The following CEP112 variants were observed in gnomAD, a reference collection of about 807,000 sequenced individuals.
CEP112 encodes centrosomal protein 112, also known as centrosomal protein of 112 kDa.
CEP112 carries 127 observed loss-of-function variants against 153.0 expected under a neutral mutation model. The observed-to-expected ratio is 0.83, with a 90% CI of 0.72 to 0.96. The LOEUF (loss-of-function observed/expected upper bound fraction) is 0.96, where lower values mean the gene tolerates loss of function less well. Ranked by LOEUF, CEP112 falls within the 40% of genes least tolerant of loss-of-function variation. The probability of loss-of-function intolerance (pLI) is 0.00; values close to 1 mark genes in which losing one functional copy is unlikely to be tolerated. For synonymous variants in CEP112, 358 were observed against 374.4 expected (o/e 0.96, Z 0.51); for missense variants, 1,089 against 1,101.2 (o/e 0.99, Z 0.16).
intron 19 of CEP112, among the ~76,000 whole-genome samples, chr17:65,926,495 C>T (rs2060929545): frequency 6.6e-6 from 1 of 152,064 alleles, no homozygotes; most frequent in Non-Finnish European, 1.5e-5. Flanking sequence ...GGCAGATCAC[C>T]TGAAATCAGG....
intron 4 of CEP112, among the ~76,000 whole-genome samples, chr17:66,141,861 T>C (rs977411684): frequency 2.6e-5 from 4 of 152,204 alleles, no homozygotes; most frequent in African/African-American, 9.6e-5. Flanking sequence ...CAGACAGCTT[T>C]TTGAGATCCT....
intron 11 of CEP112, among the ~76,000 whole-genome samples, chr17:66,062,270 TA>T (rs2066952209): frequency 6.6e-6 from 1 of 152,072 alleles, no homozygotes; most frequent in African/African-American, 2.4e-5. Flanking sequence ...TTATTTATAA[TA>T]AAAATGGACA....
At chr17:65,688,213 A>G (rs928530161) in intron 24 of CEP112, 1 of 152,262 alleles carries the variant, frequency 6.6e-6, no homozygotes, top group African/African-American at 2.4e-5. Context: ...GGAGAAAACT[A>G]AAATTCAAAA....
chr17:65,970,216 CAT>C (rs2062627490), intron 17 of CEP112, among the ~76,000 whole-genome samples: 2 of 114,248 alleles, frequency 1.8e-5, no homozygotes, highest in South Asian at 4.6e-4. Context: ...GTCATGCATG[CAT>C]ATACCATGCA....
intron 6 of CEP112, 145 bp from the exon 7 acceptor site, chr17:66,096,777 G>A (rs1339575981): frequency 3.6e-5 from 22 of 607,186 alleles, no homozygotes; most frequent in Non-Finnish European, 5.8e-5. Context: ...GGTATTGTAT[G>A]ATATATTTTT....
chr17:66,123,079 G>T (rs2069674525), intron 6 of CEP112, among the ~76,000 whole-genome samples: 1 of 152,204 alleles, frequency 6.6e-6, no homozygotes, highest in Non-Finnish European at 1.5e-5. Flanking sequence ...TGCAGAGGGA[G>T]TAGCTTTCTT....
At chr17:65,926,713 A>AAATAATAATAATAATAATAATAATAAT (rs369745977) in intron 19 of CEP112, among the ~76,000 whole-genome samples, 11 of 150,438 alleles carry the variant, frequency 7.3e-5, no homozygotes, top group African/African-American at 2.0e-4. Context: ...ACTCCTTCTC[A>AAATAATAATAATAATAATAATAATAAT]AATAATAATA....
chr17:65,770,110 A>G (rs76012012), intron 21 of CEP112, among the ~76,000 whole-genome samples: 1 of 151,888 alleles, frequency 6.6e-6, no homozygotes, highest in African/African-American at 2.4e-5. Context: ...AAAATGAAAA[A>G]AAAAACCTCT....
At chr17:65,899,533 C>T (rs2143473372) in intron 20 of CEP112, among the ~76,000 whole-genome samples, 1 of 152,124 alleles carries the variant, frequency 6.6e-6, no homozygotes, top group East Asian at 1.9e-4. Context: ...AAAACATATT[C>T]ACCAAAAGGG....
intron 12 of CEP112, among the ~76,000 whole-genome samples, chr17:66,031,344 CTAAAAA>C (rs57634945): frequency 0.51 from 78,044 of 151,698 alleles, 20,989 homozygotes; most frequent in African/African-American, 0.59. Flanking sequence ...ACAAGATAAA[CTAAAAA>C]TAGAAATGCA....
At chr17:65,651,604 AT>A (rs760543558) in intron 24 of CEP112, among the ~76,000 whole-genome samples, 6 of 152,036 alleles carry the variant, frequency 3.9e-5, no homozygotes, top group Non-Finnish European at 7.4e-5. Context: ...AAAATCTATT[AT>A]TTTTTGATTT....
intron 18 of CEP112, among the ~76,000 whole-genome samples, chr17:65,933,138 C>T (rs1275302282): frequency 6.6e-6 from 1 of 151,846 alleles, no homozygotes; most frequent in Admixed American, 6.6e-5. Context: ...TATTGAGTCA[C>T]AGGAGCAAAA....
At chr17:65,949,551 T>G (rs2061752049) in intron 18 of CEP112, among the ~76,000 whole-genome samples, 2 of 152,150 alleles carry the variant, frequency 1.3e-5, no homozygotes, top group Admixed American at 6.6e-5. Context: ...CCAAATTGGG[T>G]TCTTCGCTGG....
chr17:66,060,204 G>A (rs919399193), intron 11 of CEP112, among the ~76,000 whole-genome samples: 1 of 152,040 alleles, frequency 6.6e-6, no homozygotes, highest in Admixed American at 6.6e-5. Context: ...TGGATGATGG[G>A]ATCATTCATA....
chr17:65,753,312 G>A (rs1049138361), intron 21 of CEP112, among the ~76,000 whole-genome samples: 1 of 152,060 alleles, frequency 6.6e-6, no homozygotes, highest in African/African-American at 2.4e-5. Context: ...AGTGTTTGGG[G>A]CATAATTGTC....
chr17:66,113,201 G>A (rs1459540357), intron 6 of CEP112, among the ~76,000 whole-genome samples: 1 of 114,530 alleles, frequency 8.7e-6, no homozygotes, highest in Non-Finnish European at 1.8e-5. Flanking sequence ...TGTACCAGCT[G>A]AAGGTATAAA....
chr17:65,850,085 C>T (rs1598772988), intron 21 of CEP112, among the ~76,000 whole-genome samples: 4 of 141,510 alleles, frequency 2.8e-5, no homozygotes. Flanking sequence ...ACCCAGGTGC[C>T]GGAAGTTGCA....
At chr17:66,114,871 T>C (rs1289224639) in intron 6 of CEP112, among the ~76,000 whole-genome samples, 1 of 151,926 alleles carries the variant, frequency 6.6e-6, no homozygotes, top group African/African-American at 2.4e-5. Flanking sequence ...CAATACTATG[T>C]CACTAACTAC....
chr17:65,844,131 T>A (rs1396569955), intron 21 of CEP112, among the ~76,000 whole-genome samples: 2 of 152,186 alleles, frequency 1.3e-5, no homozygotes, highest in Non-Finnish European at 2.9e-5. Context: ...ATTGTAAATG[T>A]TCAATCTCTC....
Sources: gnomAD v4.1 joint callset for allele counts (sites outside exome capture counted in the v4.1 genomes callset) on GRCh38, gnomAD v4.1.1 for gene constraint, MANE v1.5 for transcripts, NCBI Gene and HGNC (gene_info 2026-07-23, HGNC 2026-07-21) for gene names.